Variants in CADM2 observed in about 807,000 individuals in gnomAD.
CADM2 encodes immunoglobulin superfamily member 4D.
Under a neutral mutation model 49.8 loss-of-function variants are expected in CADM2, and 12 were observed. The observed-to-expected ratio is 0.24, with a 90% confidence interval of 0.15 to 0.39. The LOEUF (loss-of-function observed/expected upper bound fraction) is 0.39, where lower values mean the gene tolerates loss of function less well. CADM2 is among the 10% of genes least tolerant of loss of function. CADM2 has a pLI of 1.00. For missense variants in CADM2, 378 were observed against 492.3 expected (o/e 0.77, Z 2.20); for synonymous variants, 214 against 175.4 (o/e 1.22, Z -1.74).
chr3:85,231,180 T>C (rs188611097), intron 1 of CADM2, among the ~76,000 whole-genome samples: 1 of 152,318 alleles, frequency 6.6e-6, no homozygotes, highest in African/African-American at 2.4e-5. Flanking sequence ...TTAAAGGCTC[T>C]ATCTACAAAT....
intron 1 of CADM2, among the ~76,000 whole-genome samples, chr3:85,309,500 A>C (rs1001385769): frequency 6.6e-6 from 1 of 152,126 alleles, no homozygotes; most frequent in Non-Finnish European, 1.5e-5. Flanking sequence ...GATTGCTGGG[A>C]TATTCAGTGA....
At chr3:85,585,956 T>G (rs2062932498) in intron 1 of CADM2, among the ~76,000 whole-genome samples, 1 of 152,080 alleles carries the variant, frequency 6.6e-6, no homozygotes, top group South Asian at 2.1e-4. Context: ...TGTTATCATT[T>G]TTTTAATGGA....
chr3:85,515,631 A>AT (rs1553734357), intron 1 of CADM2, among the ~76,000 whole-genome samples: 6,057 of 118,320 alleles, frequency 0.051, 421 homozygotes, highest in African/African-American at 0.15. Context: ...ATATATATAT[A>AT]TTTTTTTTTT....
intron 3 of CADM2, among the ~76,000 whole-genome samples, chr3:85,855,448 CAT>C (rs928347599): frequency 2.0e-5 from 3 of 151,646 alleles, no homozygotes; most frequent in African/African-American, 7.3e-5. Context: ...AGTGATATGT[CAT>C]ATAGATTTTC....
chr3:86,047,357 T>C (rs1166813626), intron 8 of CADM2, among the ~76,000 whole-genome samples: 1 of 152,176 alleles, frequency 6.6e-6, no homozygotes, highest in African/African-American at 2.4e-5. Context: ...TCCCCACATG[T>C]TTGATCAAGA....
At position 86,068,789 on chromosome 3, in the gene CADM2, C is replaced by T. The variant is rs1739594432; in HGVS notation, c.*2006C>T. The T allele has an allele frequency of 6.6e-6, 1 of 152,246 alleles. No homozygotes were observed. The highest frequency in any genetic ancestry group is 1.5e-5 in the Non-Finnish European group (1 of 67,814). 9.4% of individuals were successfully genotyped at this position (152,246 alleles called of 1,614,324 possible). On this transcript the variant is annotated 3_prime_UTR_variant, in exon 10 of 10. Coordinates refer to ENST00000383699, the MANE Select transcript of CADM2 (RefSeq NM_001167675.2). Reference sequence around the variant, plus strand: ...ACATAATAAATCATATACAGTATGACATTTTAAGGAAATAAGTCTGCATTG... The same window carrying T: ...ACATAATAAATCATATACAGTATGATATTTTAAGGAAATAAGTCTGCATTG...
intron 1 of CADM2, among the ~76,000 whole-genome samples, chr3:85,146,012 C>T (rs991265521): frequency 6.6e-6 from 1 of 152,104 alleles, no homozygotes; most frequent in African/African-American, 2.4e-5. Flanking sequence ...GAAATTCCAG[C>T]TTTGTTACTT....
intron 1 of CADM2, among the ~76,000 whole-genome samples, chr3:85,679,075 TG>T (rs1030142536): frequency 2.6e-5 from 4 of 152,158 alleles, no homozygotes; most frequent in African/African-American, 9.7e-5. Context: ...TGTCATTTAT[TG>T]GAAGGCAGAT....
intron 8 of CADM2, among the ~76,000 whole-genome samples, chr3:85,978,557 T>C (rs1052817595): frequency 6.6e-6 from 1 of 151,590 alleles, no homozygotes; most frequent in Non-Finnish European, 1.5e-5. Flanking sequence ...AGGGTAAGAA[T>C]TGCAAGACTC....
intron 1 of CADM2, among the ~76,000 whole-genome samples, chr3:85,508,131 C>T (rs2040439972): frequency 6.6e-6 from 1 of 152,142 alleles, no homozygotes; most frequent in South Asian, 2.1e-4. Flanking sequence ...TTGGACTTGC[C>T]TTCATGGACT....
chr3:85,725,930 A>G (rs1281263071), intron 1 of CADM2, among the ~76,000 whole-genome samples: 1 of 152,038 alleles, frequency 6.6e-6, no homozygotes, highest in African/African-American at 2.4e-5. Context: ...AGATACACCT[A>G]GAATCAAATC....
chr3:85,733,205 T>C (rs2068006141), intron 2 of CADM2, among the ~76,000 whole-genome samples: 1 of 152,202 alleles, frequency 6.6e-6, no homozygotes, highest in Non-Finnish European at 1.5e-5. Context: ...AATTAGTTTC[T>C]CAATAAGATG....
chr3:85,240,575 C>T (rs959582507), intron 1 of CADM2, among the ~76,000 whole-genome samples: 3 of 151,430 alleles, frequency 2.0e-5, no homozygotes, highest in Non-Finnish European at 4.4e-5. Flanking sequence ...AAATAGGGAA[C>T]CCAACTCTAA....
chr3:85,461,151 T>G lies in CADM2; in HGVS notation c.62-265371T>G, dbSNP rs529828829. 1.6e-4 allele frequency among the ~76,000 whole-genome samples: 24 copies of G among 152,260 alleles called. No homozygotes were observed. The South Asian group carries it at 5.0e-3, about 32-fold the overall frequency. ...TTTTTTATTTTAATCAAAGGATCAT[T>G]CACTCATGTTTTCGCATGAGATGTA... On this transcript the variant is annotated intron_variant, in intron 1 of 9. Transcript: ENST00000383699.
chr3:85,593,923 A>G, intron 1 of CADM2, among the ~76,000 whole-genome samples: 1 of 152,098 alleles, frequency 6.6e-6, no homozygotes, highest in Non-Finnish European at 1.5e-5. Context: ...TCTGTTAATC[A>G]TTAGACAAAT....
chr3:85,780,938 T>C (rs779306573), intron 2 of CADM2, among the ~76,000 whole-genome samples: 3 of 151,990 alleles, frequency 2.0e-5, no homozygotes, highest in Non-Finnish European at 4.4e-5. Flanking sequence ...GCTTGTTCCT[T>C]GGACCATGCT....
intron 1 of CADM2, among the ~76,000 whole-genome samples, chr3:85,686,421 AT>A (rs138445347): frequency 0.037 from 5,564 of 152,246 alleles, 320 homozygotes; most frequent in African/African-American, 0.13. Context: ...AGCTACAAAT[AT>A]TTTTTAAACA....
At chr3:85,981,229 A>G (rs1727442981) in intron 8 of CADM2, among the ~76,000 whole-genome samples, 1 of 151,600 alleles carries the variant, frequency 6.6e-6, no homozygotes, top group Non-Finnish European at 1.5e-5. Flanking sequence ...ACCTACACAC[A>G]CACATTTACA....
chr3:85,311,385 A>AT (rs4053317), intron 1 of CADM2, among the ~76,000 whole-genome samples: 2 of 146,210 alleles, frequency 1.4e-5, no homozygotes, highest in African/African-American at 5.0e-5. Context: ...TATTATTATT[A>AT]TTTTTTTTGA....
Sources: allele counts gnomAD v4.1 joint callset (sites outside exome capture counted in the v4.1 genomes callset), GRCh38; gene constraint gnomAD v4.1.1; transcripts MANE v1.5; gene names NCBI Gene and HGNC (gene_info 2026-07-23, HGNC 2026-07-21).